The following NPAS3 variants were observed in gnomAD, a reference collection of about 807,000 sequenced individuals.
NPAS3 encodes the protein neuronal PAS domain-containing protein 3.
Under a neutral mutation model 73.1 loss-of-function variants are expected in NPAS3, and 14 were observed. That is an observed-to-expected ratio of 0.19 (90% CI 0.13 to 0.30). The LOEUF (loss-of-function observed/expected upper bound fraction) is 0.30, where lower values mean the gene tolerates loss of function less well. NPAS3 is among the 10% of genes least tolerant of loss of function. NPAS3 has a pLI of 1.00. For missense variants in NPAS3, 1,096 were observed against 1,250.0 expected (o/e 0.88, Z 1.86); for synonymous variants, 620 against 541.5 (o/e 1.14, Z -2.01).
At chr14:33,020,365 T>C (rs2039548765) in intron 1 of NPAS3, among the ~76,000 whole-genome samples, 1 of 152,214 alleles carries the variant, frequency 6.6e-6, no homozygotes, top group African/African-American at 2.4e-5. Context: ...TGTATCACCA[T>C]GGAAAAGTGA....
intron 2 of NPAS3, among the ~76,000 whole-genome samples, chr14:33,110,791 C>T (rs1051558102): frequency 6.6e-6 from 1 of 152,128 alleles, no homozygotes; most frequent in Non-Finnish European, 1.5e-5. Context: ...GGACGGGAAC[C>T]ACAACAGCTA....
chr14:33,769,247 T>C (rs1368026262), intron 7 of NPAS3, among the ~76,000 whole-genome samples: 1 of 152,220 alleles, frequency 6.6e-6, no homozygotes, highest in Non-Finnish European at 1.5e-5. Flanking sequence ...CTTCCAGAAC[T>C]ATACCTTCAA....
At chr14:33,194,471 ATTAAC>A (rs2046280184) in intron 2 of NPAS3, among the ~76,000 whole-genome samples, 1 of 152,196 alleles carries the variant, frequency 6.6e-6, no homozygotes, top group African/African-American at 2.4e-5. Context: ...ATCAAGTGAA[ATTAAC>A]TTAAACAGTG....
Position 33,573,531 on chromosome 14 carries a change from C to T in NPAS3, c.558+13321C>T, listed in dbSNP as rs576326842. On this transcript the variant is annotated intron_variant, in intron 5 of 11. Transcript: ENST00000356141. ...AAAGAATTTACTGAAGAAAAAGTAA[C>T]GCTTTTGGTCAGGGTTTGAAAGGCA... is the stretch of plus-strand genomic sequence containing the variant. Among the ~76,000 whole-genome samples the T allele has an allele frequency of 1.3e-4, 20 of 151,850 alleles. No individual in the cohort carries two copies. In the East Asian group the frequency reaches 1.4e-3, roughly 11 times the overall value.
intron 5 of NPAS3, among the ~76,000 whole-genome samples, chr14:33,613,515 G>A (rs977838883): frequency 1.3e-5 from 2 of 152,100 alleles, no homozygotes; most frequent in African/African-American, 2.4e-5. Context: ...CACAGCTTGA[G>A]GCTTCCCCTC....
intron 1 of NPAS3, among the ~76,000 whole-genome samples, chr14:33,024,481 A>T (rs918205103): frequency 6.6e-6 from 1 of 152,080 alleles, no homozygotes; most frequent in Non-Finnish European, 1.5e-5. Context: ...CCCAAGTAAT[A>T]TATTTAAATC....
chr14:33,191,188 C>G (rs568350259), intron 2 of NPAS3, among the ~76,000 whole-genome samples: 27 of 152,260 alleles, frequency 1.8e-4, no homozygotes, highest in African/African-American at 6.0e-4. Context: ...GAATTGCTGC[C>G]TTTAACCCGA....
intron 3 of NPAS3, among the ~76,000 whole-genome samples, chr14:33,328,352 A>G (rs1202102676): frequency 8.0e-6 from 1 of 125,042 alleles, no homozygotes; most frequent in Non-Finnish European, 1.8e-5. Context: ...TCGTATTCTT[A>G]TTTGTTCACT....
chr14:33,134,971 G>A (rs1369075679), intron 2 of NPAS3, among the ~76,000 whole-genome samples: 1 of 151,992 alleles, frequency 6.6e-6, no homozygotes, highest in African/African-American at 2.4e-5. Flanking sequence ...TTCACAAATA[G>A]AGCTCTTACT....
chr14:33,438,585 G>C (rs2049095553), intron 4 of NPAS3, among the ~76,000 whole-genome samples: 1 of 152,182 alleles, frequency 6.6e-6, no homozygotes, highest in Non-Finnish European at 1.5e-5. Flanking sequence ...TTGGGCCTTT[G>C]CCGATTTGGA....
intron 4 of NPAS3, among the ~76,000 whole-genome samples, chr14:33,509,379 A>G (rs1231281507): frequency 6.6e-6 from 1 of 151,988 alleles, no homozygotes; most frequent in African/African-American, 2.4e-5. Flanking sequence ...CATTTTACAG[A>G]TGAAAAAGCT....
At chr14:33,784,748 T>TATTTATTA (rs58424536) in intron 9 of NPAS3, among the ~76,000 whole-genome samples, 1 of 107,272 alleles carries the variant, frequency 9.3e-6, no homozygotes, top group Admixed American at 9.5e-5. Context: ...TTTATTTATT[T>TATTTATTA]TTTTTTTTTT....
At chr14:33,117,320 A>G (rs1215771884) in intron 2 of NPAS3, among the ~76,000 whole-genome samples, 1 of 152,054 alleles carries the variant, frequency 6.6e-6, no homozygotes, top group African/African-American at 2.4e-5. Context: ...TTTGAGATCT[A>G]TGGCTGTACT....
chr14:33,676,890 T>A (rs998127685), intron 6 of NPAS3, among the ~76,000 whole-genome samples: 1 of 152,198 alleles, frequency 6.6e-6, no homozygotes, highest in Non-Finnish European at 1.5e-5. Flanking sequence ...CAGAAATGGC[T>A]ACATTTTAAA....
chr14:33,516,191 A>G (rs1048817791), intron 4 of NPAS3, among the ~76,000 whole-genome samples: 8 of 152,156 alleles, frequency 5.3e-5, no homozygotes, highest in Non-Finnish European at 1.2e-4. Flanking sequence ...AGAATTTGAC[A>G]CAAGTCTTTT....
intron 2 of NPAS3, among the ~76,000 whole-genome samples, chr14:33,184,864 G>A (rs948919375): frequency 3.9e-5 from 6 of 152,154 alleles, no homozygotes; most frequent in African/African-American, 1.2e-4. Flanking sequence ...GGTGCTTCAC[G>A]TTCCTGTGTA....
At chr14:33,520,690 A>G (rs1457950461) in intron 4 of NPAS3, among the ~76,000 whole-genome samples, 2 of 152,144 alleles carry the variant, frequency 1.3e-5, no homozygotes, top group African/African-American at 4.8e-5. Context: ...TTTCTTTTGC[A>G]GTGCCCAGTA....
downstream of NPAS3, chr14:33,801,112 C>G (rs759575155): frequency 6.4e-7 from 1 of 1,574,340 alleles, no homozygotes; most frequent in South Asian, 1.2e-5. Flanking sequence ...AGGACTGAGG[C>G]GCCGCCCGTC....
intron 2 of NPAS3, among the ~76,000 whole-genome samples, chr14:33,110,419 A>C (rs997245432): frequency 2.0e-5 from 3 of 152,230 alleles, no homozygotes; most frequent in South Asian, 4.1e-4. Flanking sequence ...CAGTTTTTAC[A>C]ATAGGACTTC....
Sources: gnomAD v4.1 joint callset for allele counts (sites outside exome capture counted in the v4.1 genomes callset) on GRCh38, gnomAD v4.1.1 for gene constraint, MANE v1.5 for transcripts, NCBI Gene and HGNC (gene_info 2026-07-23, HGNC 2026-07-21) for gene names.